The following KCNT2 variants were observed in gnomAD, a reference collection of about 807,000 sequenced individuals.
KCNT2 encodes the protein potassium sodium-activated channel subfamily T member 2.
KCNT2 carries 67 observed loss-of-function variants against 153.8 expected under a neutral mutation model. That is an observed-to-expected ratio of 0.44 (90% confidence interval 0.36 to 0.53). The LOEUF is 0.53. Among genes scored for constraint, KCNT2 ranks in the 20% least tolerant of loss-of-function variants. KCNT2 has a pLI of 0.00. For synonymous variants in KCNT2, 500 were observed against 458.8 expected (o/e 1.09, Z -1.15); for missense variants, 975 against 1,354.8 (o/e 0.72, Z 4.40).
intron 1 of KCNT2, among the ~76,000 whole-genome samples, chr1:196,543,344 A>G (rs1054734947): frequency 6.6e-6 from 1 of 152,234 alleles, no homozygotes; most frequent in African/African-American, 2.4e-5. Flanking sequence ...AATCTCAGTA[A>G]AATGTCTTGT....
At chr1:196,569,398 C>A (rs927553140) in intron 1 of KCNT2, among the ~76,000 whole-genome samples, 1 of 152,026 alleles carries the variant, frequency 6.6e-6, no homozygotes, top group Admixed American at 6.6e-5. Flanking sequence ...CTCATATTCT[C>A]AACATTTATG....
rs1481502889 is a variant in KCNT2 at position 196,489,858 on chromosome 1, G to A, written c.255C>T (p.Asn85=). Residue 85 remains asparagine (N), a synonymous_variant, in exon 3 of 28, where the codon AAC becomes AAT. Coordinates refer to ENST00000294725, the MANE Select transcript of KCNT2 (RefSeq NM_198503.5). The stretch of plus-strand genomic sequence containing the variant: ...CTTACCATTCATTTCCTTGTGAAGG[G>A]TTTTCTAGTAGTACTCGGATTATGT... ...LLYIIRVLLE[N]PSQGNEWSHI... is the part of the protein sequence containing the mutation. 1.9e-6 allele frequency: 3 copies of A among 1,570,744 alleles called. No homozygotes were observed.
intron 1 of KCNT2, among the ~76,000 whole-genome samples, chr1:196,603,783 A>C (rs1665007348): frequency 1.3e-5 from 2 of 152,244 alleles, no homozygotes; most frequent in Non-Finnish European, 2.9e-5. Context: ...GCTACAACTG[A>C]GGATTTTCCA....
At chr1:196,444,235 C>CA (rs1481809526) in intron 8 of KCNT2, among the ~76,000 whole-genome samples, 2 of 151,336 alleles carry the variant, frequency 1.3e-5, no homozygotes, top group East Asian at 3.9e-4. Flanking sequence ...ACTTTTCTGA[C>CA]TTTAATATTA....
chr1:196,431,566 A>T (rs1218413634), intron 8 of KCNT2, among the ~76,000 whole-genome samples: 1 of 152,124 alleles, frequency 6.6e-6, no homozygotes, highest in Non-Finnish European at 1.5e-5. Context: ...AGGAAAAGGC[A>T]TCCTTATTAC....
At chr1:196,251,901 T>A (rs996625384) in intron 26 of KCNT2, among the ~76,000 whole-genome samples, 10 of 151,850 alleles carry the variant, frequency 6.6e-5, no homozygotes, top group Admixed American at 2.0e-4. Context: ...CTCACAAAAA[T>A]TAAAAAATTT....
chr1:196,433,364 A>C (rs1674328688), intron 8 of KCNT2, among the ~76,000 whole-genome samples: 1 of 152,112 alleles, frequency 6.6e-6, no homozygotes, highest in Non-Finnish European at 1.5e-5. Flanking sequence ...TGTTGAGTGA[A>C]AGAAGTCAGA....
chr1:196,606,070 G>A (rs527630943), intron 1 of KCNT2, among the ~76,000 whole-genome samples: 1 of 152,284 alleles, frequency 6.6e-6, no homozygotes, highest in East Asian at 1.9e-4. Context: ...TTTGTCTGAG[G>A]ATTAACTAAG....
intron 14 of KCNT2, among the ~76,000 whole-genome samples, chr1:196,360,613 C>T (rs1290221853): frequency 6.6e-6 from 1 of 151,980 alleles, no homozygotes; most frequent in African/African-American, 2.4e-5. Context: ...GGCCCTATTA[C>T]AATCTGACTG....
chr1:196,549,891 G>T (rs550254166), intron 1 of KCNT2, among the ~76,000 whole-genome samples: 3 of 151,812 alleles, frequency 2.0e-5, no homozygotes, highest in Admixed American at 2.0e-4. Context: ...AATCTCATGG[G>T]CTCTAAGTTT....
intron 8 of KCNT2, among the ~76,000 whole-genome samples, chr1:196,435,417 T>C (rs900978715): frequency 2.0e-5 from 3 of 151,162 alleles, no homozygotes; most frequent in Non-Finnish European, 4.4e-5. Flanking sequence ...GAATTTGAAA[T>C]GCATTTGATT....
intron 12 of KCNT2, among the ~76,000 whole-genome samples, chr1:196,413,591 A>G (rs1672513025): frequency 1.3e-5 from 2 of 151,720 alleles, no homozygotes; most frequent in Admixed American, 1.3e-4. Context: ...CATCTTCTTT[A>G]AAAAGCGTAT....
intron 1 of KCNT2, among the ~76,000 whole-genome samples, chr1:196,509,747 G>A (rs947174608): frequency 2.6e-4 from 40 of 152,142 alleles, no homozygotes; most frequent in African/African-American, 9.4e-4. Flanking sequence ...ATTAAGTAAT[G>A]AAGTAATAAA....
intron 8 of KCNT2, among the ~76,000 whole-genome samples, chr1:196,447,529 GC>G (rs1309326622): frequency 6.6e-6 from 1 of 151,458 alleles, no homozygotes. Context: ...TTATAAGGGA[GC>G]AATTATGTTG....
intron 19 of KCNT2, among the ~76,000 whole-genome samples, chr1:196,321,323 G>A (rs182787253): frequency 3.1e-4 from 47 of 151,936 alleles, no homozygotes; most frequent in African/African-American, 1.1e-3. Context: ...CTGTTGCGGT[G>A]ATCTGAAAAA....
At chr1:196,544,227 A>G (rs781174127) in intron 1 of KCNT2, among the ~76,000 whole-genome samples, 22 of 152,134 alleles carry the variant, frequency 1.4e-4, no homozygotes, top group Non-Finnish European at 2.9e-4. Flanking sequence ...ACATATCTCT[A>G]TGACTTCCTG....
At chr1:196,528,341 C>G (rs1046730447) in intron 1 of KCNT2, among the ~76,000 whole-genome samples, 4 of 152,128 alleles carry the variant, frequency 2.6e-5, no homozygotes, top group African/African-American at 9.7e-5. Context: ...TTTTGATACA[C>G]TAGTTTTATT....
chr1:196,331,258 A>G lies in KCNT2; in HGVS notation c.2001T>C (p.Tyr667=), dbSNP rs757144955. 6.6e-7 allele frequency: 1 copy of G among 1,508,630 alleles called. No individual in the cohort carries two copies. The highest frequency in any genetic ancestry group is 1.1e-5 in the South Asian group (1 of 88,636). The allele number at this position is 1,508,630 out of a possible 1,614,324, so 93.5% of individuals were successfully genotyped here. A position where few individuals can be genotyped will look rare whatever the true frequency, so the allele number is the denominator to read the frequency against. The change falls in exon 18 of 28, where the codon TAT becomes TAC. Residue 667 remains tyrosine, a synonymous_variant. Transcript: ENST00000294725. ...GAGAATAAGGTGGGTAACCTTTAGC[A>G]TACCTGTAAAATAATACAAAATATT... ...PDEEMSSNLE[Y]AKGYPPYSPY...
intron 1 of KCNT2, among the ~76,000 whole-genome samples, chr1:196,508,617 C>T (rs1459178921): frequency 2.0e-5 from 3 of 152,104 alleles, no homozygotes; most frequent in Non-Finnish European, 4.4e-5. Context: ...TAAGAACAAA[C>T]ATGTAACCAA....
Sources: allele counts gnomAD v4.1 joint callset (sites outside exome capture counted in the v4.1 genomes callset), GRCh38; gene constraint gnomAD v4.1.1; transcripts MANE v1.5; gene names NCBI Gene and HGNC (gene_info 2026-07-23, HGNC 2026-07-21).